The following SEPTIN11 variants were observed in gnomAD, a reference collection of about 807,000 sequenced individuals.
SEPTIN11 encodes the protein septin-11.
In SEPTIN11, 25 loss-of-function variants were observed where a neutral mutation model predicts 51.4. That is an observed-to-expected ratio of 0.49 (90% CI 0.35 to 0.68). SEPTIN11 has a LOEUF of 0.68. Among genes scored for constraint, SEPTIN11 ranks in the 30% least tolerant of loss-of-function variants. The probability of loss-of-function intolerance (pLI) is 0.00; values close to 1 mark genes in which losing one functional copy is unlikely to be tolerated. For synonymous variants in SEPTIN11, 174 were observed against 184.1 expected (o/e 0.95, Z 0.44); for missense variants, 381 against 520.8 (o/e 0.73, Z 2.61).
chr4:77,010,320 ATAT>A (rs1205401990), intron 3 of SEPTIN11, among the ~76,000 whole-genome samples: 2 of 152,064 alleles, frequency 1.3e-5, no homozygotes, highest in African/African-American at 4.8e-5. Context: ...ATCTCATTAA[ATAT>A]TATTATTATT....
chr4:76,973,940 A>T (rs955789616), intron 1 of SEPTIN11, among the ~76,000 whole-genome samples: 1 of 152,294 alleles, frequency 6.6e-6, no homozygotes, highest in African/African-American at 2.4e-5. Flanking sequence ...TACACCACCA[A>T]CATTTTATAT....
intron 1 of SEPTIN11, among the ~76,000 whole-genome samples, chr4:76,959,737 A>C (rs565438901): frequency 1.2e-4 from 19 of 152,342 alleles, no homozygotes; most frequent in African/African-American, 4.3e-4. Context: ...TGTCTGCATA[A>C]ATTGGAAAAA....
At chr4:76,987,743 G>A in intron 1 of SEPTIN11, 1 of 490,492 alleles carries the variant, frequency 2.0e-6, no homozygotes, top group Non-Finnish European at 2.6e-6. Flanking sequence ...ATACTGGGAG[G>A]TGGCTGGTGG....
At chr4:76,957,408 G>C (rs115123312) in intron 1 of SEPTIN11, among the ~76,000 whole-genome samples, 5 of 152,004 alleles carry the variant, frequency 3.3e-5, no homozygotes, top group Admixed American at 6.6e-5. Context: ...AGGTTGCTCC[G>C]GTTCTAGAGT....
At chr4:76,962,855 C>T (rs1721880469) in intron 1 of SEPTIN11, among the ~76,000 whole-genome samples, 1 of 152,102 alleles carries the variant, frequency 6.6e-6, no homozygotes, top group South Asian at 2.1e-4. Flanking sequence ...ACATACCCCA[C>T]ATGGGATAAT....
chr4:77,025,822 C>T (rs1262177274), intron 7 of SEPTIN11, among the ~76,000 whole-genome samples: 3 of 152,154 alleles, frequency 2.0e-5, no homozygotes, highest in Non-Finnish European at 4.4e-5. Context: ...AGTTCAAAAG[C>T]TGGCTCACAT....
At chr4:77,004,817 G>A (rs1405206432) in intron 2 of SEPTIN11, among the ~76,000 whole-genome samples, 4 of 152,110 alleles carry the variant, frequency 2.6e-5, no homozygotes, top group African/African-American at 9.7e-5. Flanking sequence ...ACAAAAATTA[G>A]CCAGGTGTGG....
Position 77,036,719 on chromosome 4 carries a change from G to A in SEPTIN11, c.*2207G>A. On this transcript the variant is annotated 3_prime_UTR_variant, in exon 10 of 10. Coordinates refer to ENST00000264893, the MANE Select transcript of SEPTIN11 (RefSeq NM_018243.4). ...ACTGCTCCCTAGCCCTGTTTAGTTTGTTATTGCTGCTTTTCTTTTTTCTTT... is the reference window on the plus strand; with the variant it reads ...ACTGCTCCCTAGCCCTGTTTAGTTTATTATTGCTGCTTTTCTTTTTTCTTT... The A allele has an allele frequency of 6.5e-7, 1 of 1,535,214 alleles. No individual in the cohort carries two copies. The highest frequency in any genetic ancestry group is 8.7e-7 in the Non-Finnish European group (1 of 1,146,582).
At chr4:77,006,816 CTAGA>C (rs1286529087) in intron 3 of SEPTIN11, among the ~76,000 whole-genome samples, 1 of 152,054 alleles carries the variant, frequency 6.6e-6, no homozygotes. Flanking sequence ...CTAGAAATGC[CTAGA>C]TATATTTTAT....
chr4:77,026,611 C>T (rs1308133688), intron 7 of SEPTIN11, among the ~76,000 whole-genome samples: 3 of 152,200 alleles, frequency 2.0e-5, no homozygotes, highest in African/African-American at 4.8e-5. Context: ...GACGTTGGAG[C>T]CCCTCTTTTG....
chr4:77,007,097 A>G (rs1219110435), intron 3 of SEPTIN11, among the ~76,000 whole-genome samples: 4 of 152,164 alleles, frequency 2.6e-5, no homozygotes, highest in African/African-American at 9.7e-5. Context: ...TTAATATATG[A>G]CCTCAATGAC....
At chr4:76,985,647 C>T (rs1414266163) in intron 1 of SEPTIN11, among the ~76,000 whole-genome samples, 3 of 152,168 alleles carry the variant, frequency 2.0e-5, no homozygotes, top group African/African-American at 4.8e-5. Flanking sequence ...TCATCCACAA[C>T]CAATGTGAGT....
chr4:77,033,352 G>A (rs1578213954), intron 9 of SEPTIN11, among the ~76,000 whole-genome samples: 1 of 152,180 alleles, frequency 6.6e-6, no homozygotes, highest in Non-Finnish European at 1.5e-5. Flanking sequence ...AAAATGAAAA[G>A]GCAGATGCTT....
At chr4:77,039,258 G>A, downstream of SEPTIN11, 1 of 1,172,766 alleles carries the variant, frequency 8.5e-7, no homozygotes, top group South Asian at 1.7e-5. Flanking sequence ...GTCAATGTCT[G>A]CCCATAGTGG....
At chr4:77,019,007 G>C (rs3816965) in intron 5 of SEPTIN11, among the ~76,000 whole-genome samples, 158 bp from the exon 6 acceptor site, 1 of 152,026 alleles carries the variant, frequency 6.6e-6, no homozygotes, top group Non-Finnish European at 1.5e-5. Flanking sequence ...TTGGTTATAA[G>C]GGGGGTGGGA....
At chr4:77,019,130 G>A in intron 5 of SEPTIN11, 35 bp from the exon 6 acceptor site, 1 of 1,585,294 alleles carries the variant, frequency 6.3e-7, no homozygotes, top group Non-Finnish European at 8.6e-7. Flanking sequence ...TCAGAGCAGG[G>A]GAAAGTAACT....
chr4:76,974,076 C>G (rs1722373847), intron 1 of SEPTIN11, among the ~76,000 whole-genome samples: 1 of 152,150 alleles, frequency 6.6e-6, no homozygotes, highest in Admixed American at 6.5e-5. Context: ...GGCTTTGGAT[C>G]TATGCTTTTC....
rs1727079171 is a variant in SEPTIN11 at position 77,037,024 on chromosome 4, C to T, written c.*2512C>T. On this transcript the variant is annotated 3_prime_UTR_variant, in exon 10 of 10. Transcript: ENST00000264893. ...ACATTTATATTTTTTTCACAAGAAC[C>T]ACATAATAAATTCCACTTCTTGACC... The T allele has an allele frequency of 1.6e-6, 2 of 1,231,400 alleles. No individual in the cohort carries two copies. The highest frequency in any genetic ancestry group is 2.0e-6 in the Non-Finnish European group (2 of 989,392). 76.3% of individuals were successfully genotyped at this position (1,231,400 alleles called of 1,614,324 possible).
At chr4:76,962,000 A>T (rs1447164582) in intron 1 of SEPTIN11, among the ~76,000 whole-genome samples, 1 of 152,246 alleles carries the variant, frequency 6.6e-6, no homozygotes, top group African/African-American at 2.4e-5. Context: ...TCTAAATGAG[A>T]TGCTTTGGAA....
Sources: allele counts gnomAD v4.1 joint callset (sites outside exome capture counted in the v4.1 genomes callset), GRCh38; gene constraint gnomAD v4.1.1; transcripts MANE v1.5; gene names NCBI Gene and HGNC (gene_info 2026-07-23, HGNC 2026-07-21).